The following VWA8 variants were observed in gnomAD, a reference collection of about 807,000 sequenced individuals.
VWA8 encodes the protein von Willebrand factor A domain-containing protein 8.
Under a neutral mutation model 241.5 loss-of-function variants are expected in VWA8, and 221 were observed. The observed-to-expected ratio is 0.91, with a 90% CI of 0.82 to 1.02. The LOEUF (loss-of-function observed/expected upper bound fraction) is 1.02. Among genes scored for constraint, VWA8 ranks in the 50% least tolerant of loss-of-function variants. VWA8 has a pLI of 0.00. For synonymous variants in VWA8, 852 were observed against 827.1 expected (o/e 1.03, Z -0.52); for missense variants, 2,322 against 2,328.7 (o/e 1.00, Z 0.06).
intron 34 of VWA8, among the ~76,000 whole-genome samples, chr13:41,685,596 TG>T (rs2045131168): frequency 6.6e-6 from 1 of 152,198 alleles, no homozygotes; most frequent in South Asian, 2.1e-4. Context: ...GTCATTTGGA[TG>T]TGGTACAGGA....
intron 43 of VWA8, among the ~76,000 whole-genome samples, chr13:41,571,880 C>T (rs1198444482): frequency 6.6e-6 from 1 of 151,196 alleles, no homozygotes; most frequent in Non-Finnish European, 1.5e-5. Flanking sequence ...TCTTCCCGGC[C>T]GCCATCCTGT....
chr13:41,657,118 G>A (rs1397800676), intron 37 of VWA8, among the ~76,000 whole-genome samples: 2 of 152,046 alleles, frequency 1.3e-5, no homozygotes, highest in South Asian at 2.1e-4. Context: ...GAAATTACAC[G>A]GAGAGACATG....
rs2045623207 is a variant in VWA8 at position 41,747,988 on chromosome 13, G to T, written c.2426+13140C>A. Among the ~76,000 whole-genome samples, 4 of 152,198 alleles carry T rather than the reference G, an allele frequency of 2.6e-5. No homozygotes were observed. The South Asian group carries it at 8.3e-4, about 31-fold the overall frequency. ...GGATAAGCTTTTTGATGTGCTGCTGGATTCGGTTTGCCAGTATTTTATTGA... is the reference window on the plus strand; with the variant it reads ...GGATAAGCTTTTTGATGTGCTGCTGTATTCGGTTTGCCAGTATTTTATTGA... On this transcript the variant is annotated intron_variant, in intron 21 of 44. Transcript: ENST00000379310.
intron 21 of VWA8, among the ~76,000 whole-genome samples, chr13:41,750,491 AAAGGAAGG>A (rs55752497): frequency 2.0e-5 from 3 of 149,858 alleles, no homozygotes; most frequent in Non-Finnish European, 3.0e-5. Context: ...GGAAAAAAAG[AAAGGAAGG>A]AAGGAAGGAA....
chr13:41,758,384 A>ACGCTAG (rs2045710626), intron 21 of VWA8, among the ~76,000 whole-genome samples: 9 of 21,812 alleles, frequency 4.1e-4, no homozygotes, highest in African/African-American at 9.2e-4. Context: ...ATATATATAT[A>ACGCTAG]TATATATACG....
At chr13:41,645,905 G>A (rs1305562646) in intron 37 of VWA8, among the ~76,000 whole-genome samples, 1 of 151,648 alleles carries the variant, frequency 6.6e-6, no homozygotes, top group Admixed American at 6.6e-5. Context: ...TTCCAGGAGG[G>A]CAAAGAAGAG....
chr13:41,664,169 T>C (rs770811914), intron 37 of VWA8, among the ~76,000 whole-genome samples: 10 of 152,056 alleles, frequency 6.6e-5, no homozygotes, highest in Non-Finnish European at 1.3e-4. Context: ...ATGGTTTTAG[T>C]CTACTTGATT....
chr13:41,833,239 A>G, intron 13 of VWA8, 132 bp downstream of exon 13: 4 of 1,076,462 alleles, frequency 3.7e-6, no homozygotes, highest in East Asian at 5.7e-5. Flanking sequence ...TCTACTTGGT[A>G]TAGAATCATG....
At chr13:41,591,168 C>T (rs1182111216) in intron 40 of VWA8, among the ~76,000 whole-genome samples, 1 of 152,128 alleles carries the variant, frequency 6.6e-6, no homozygotes, top group Non-Finnish European at 1.5e-5. Flanking sequence ...TAGAATTCTA[C>T]CTTTTGGTAA....
intron 17 of VWA8, among the ~76,000 whole-genome samples, chr13:41,810,337 A>G (rs1220153379): frequency 6.6e-6 from 1 of 152,130 alleles, no homozygotes; most frequent in Non-Finnish European, 1.5e-5. Flanking sequence ...ATGTTTATTG[A>G]AGCACTATTC....
chr13:41,808,230 G>C (rs1870307592), intron 17 of VWA8, among the ~76,000 whole-genome samples: 1 of 152,102 alleles, frequency 6.6e-6, no homozygotes, highest in South Asian at 2.1e-4. Context: ...ATATATGACA[G>C]ACCTACAGCT....
chr13:41,568,444 C>T (rs2044276856), intron 44 of VWA8, 139 bp from the exon 45 acceptor site: 4 of 590,352 alleles, frequency 6.8e-6, no homozygotes, highest in East Asian at 2.9e-5. Flanking sequence ...CTCTGCCTAC[C>T]ATTGAATTAG....
At position 41,916,224 on chromosome 13, in the gene VWA8, CA is replaced by C. The variant is rs138526484; in HGVS notation, c.242-4057del. On this transcript the variant is annotated intron_variant, in intron 2 of 44. Coordinates refer to ENST00000379310, the MANE Select transcript of VWA8 (RefSeq NM_015058.2). ...TTAAATACTCATTACTCCCATTTTA[CA>C]ATAAGAAAATCAAAATTGGAAATGT... is the stretch of plus-strand genomic sequence containing the variant. 7.1e-3 allele frequency among the ~76,000 whole-genome samples: 1,081 copies of C among 152,292 alleles called. 16 individuals carry two copies. The highest frequency in any genetic ancestry group is 0.025 in the African/African-American group (1,033 of 41,562).
In VWA8 at chr13:41,728,439, T is replaced by C. The variant is rs372796903; in HGVS notation, c.2638+1103A>G. The stretch of plus-strand genomic sequence containing the variant: ...TTGTTCAAAATGTCAGCTACAATCA[T>C]ATTTGAGTGTAAAATTATAATGACT... On this transcript the variant is annotated intron_variant, in intron 23 of 44. Transcript: ENST00000379310. Among the ~76,000 whole-genome samples the C allele has an allele frequency of 6.6e-5, 10 of 152,186 alleles. No individual in the cohort carries two copies. In the East Asian group the frequency reaches 1.2e-3, roughly 18 times the overall value.
intron 2 of VWA8, among the ~76,000 whole-genome samples, chr13:41,937,206 G>T (rs146075307): frequency 1.3e-5 from 2 of 152,086 alleles, no homozygotes; most frequent in African/African-American, 2.4e-5. Flanking sequence ...TCCACAGACT[G>T]GGGGGAGGGA....
rs1186263616 is a variant in VWA8 at position 41,833,525 on chromosome 13, T to A, written c.1432A>T (p.Thr478Ser). ...CTCTGCTGTAGCAGATCACGCGCTG[T>A]CATATCCTAAAACAAATCCCCACCA... ...IEPIMLYQDM[T>S]ARDLLQQRYT... is the part of the protein sequence containing the mutation. Residue 478 changes from threonine (T) to serine (S), a missense_variant, in exon 13 of 45, where the codon ACA becomes TCA. Thr to Ser is a moderately conservative substitution (Grantham distance 58). Coordinates refer to ENST00000379310, the MANE Select transcript of VWA8 (RefSeq NM_015058.2). 1 of 1,605,114 alleles carries A rather than the reference T, an allele frequency of 6.2e-7. No homozygotes were observed. Among genetic ancestry groups the A allele is most frequent in the Admixed American group, 1.7e-5 (1 of 57,496 alleles).
At chr13:41,794,030 T>C (rs1869575746) in intron 17 of VWA8, among the ~76,000 whole-genome samples, 1 of 152,140 alleles carries the variant, frequency 6.6e-6, no homozygotes, top group Non-Finnish European at 1.5e-5. Flanking sequence ...CTGTGTTGTT[T>C]TGGTTACTGT....
intron 12 of VWA8, among the ~76,000 whole-genome samples, chr13:41,846,845 C>T (rs950954208): frequency 6.6e-6 from 1 of 151,824 alleles, no homozygotes; most frequent in Admixed American, 6.6e-5. Flanking sequence ...AAGACCAGCC[C>T]GGCCAACATG....
At chr13:41,802,565 G>A (rs991668517) in intron 17 of VWA8, among the ~76,000 whole-genome samples, 2 of 152,230 alleles carry the variant, frequency 1.3e-5, no homozygotes, top group Non-Finnish European at 2.9e-5. Context: ...AGCACAGCTT[G>A]CAGCTCTGGC....
Sources: allele counts gnomAD v4.1 joint callset (sites outside exome capture counted in the v4.1 genomes callset), GRCh38; gene constraint gnomAD v4.1.1; transcripts MANE v1.5; gene names NCBI Gene and HGNC (gene_info 2026-07-23, HGNC 2026-07-21).